The following RPS6KC1 variants were observed in gnomAD, a reference collection of about 807,000 sequenced individuals.
RPS6KC1 encodes the protein inactive ribosomal protein S6 kinase delta-1.
RPS6KC1 carries 54 observed loss-of-function variants against 103.8 expected under a neutral mutation model. The observed-to-expected ratio is 0.52, with a 90% CI of 0.42 to 0.65. RPS6KC1 has a LOEUF of 0.65. RPS6KC1 is among the 30% of genes least tolerant of loss of function. The pLI is 0.00. For synonymous variants in RPS6KC1, 439 were observed against 438.7 expected (o/e 1.00, Z -0.01); for missense variants, 1,151 against 1,253.8 (o/e 0.92, Z 1.24).
chr1:213,585,860 G>A, the RPS6KC1 span, among the ~76,000 whole-genome samples: 1 of 152,122 alleles, frequency 6.6e-6, no homozygotes, highest in East Asian at 1.9e-4. Flanking sequence ...TGGGTGCCCA[G>A]GATGATCTTC....
chr1:213,308,316 GAAAAAAA>G, the RPS6KC1 span, among the ~76,000 whole-genome samples: 6 of 55,848 alleles, frequency 1.1e-4, no homozygotes, highest in Admixed American at 2.0e-4. Context: ...CCTGTCTCCA[GAAAAAAA>G]AAAAAAAAAA....
chr1:213,722,447 C>T, the RPS6KC1 span, among the ~76,000 whole-genome samples: 3 of 152,210 alleles, frequency 2.0e-5, 1 homozygote, highest in Admixed American at 2.0e-4. Flanking sequence ...AGGCTCTGTC[C>T]CTGGCCTGCC....
At chr1:213,581,910 G>A in the RPS6KC1 span, among the ~76,000 whole-genome samples, 4 of 151,888 alleles carry the variant, frequency 2.6e-5, no homozygotes, top group South Asian at 6.2e-4. Context: ...CAGCTAAAAT[G>A]TCATTTCCTC....
At chr1:213,223,440 C>G (rs1436204209) in intron 8 of RPS6KC1, among the ~76,000 whole-genome samples, 1 of 152,202 alleles carries the variant, frequency 6.6e-6, no homozygotes, top group East Asian at 1.9e-4. Flanking sequence ...TTAGCTCCCA[C>G]TTACGAGAAC....
At chr1:213,387,359 A>G in the RPS6KC1 span, among the ~76,000 whole-genome samples, 2 of 152,218 alleles carry the variant, frequency 1.3e-5, no homozygotes, top group Admixed American at 1.3e-4. Flanking sequence ...CTGACTTCCA[A>G]TTGCCTGTGG....
intron 8 of RPS6KC1, among the ~76,000 whole-genome samples, chr1:213,215,617 G>A (rs975914155): frequency 3.3e-5 from 5 of 152,174 alleles, no homozygotes; most frequent in African/African-American, 4.8e-5. Context: ...AATGTTAAGG[G>A]CAGCCAGAGA....
At chr1:213,512,516 A>G in the RPS6KC1 span, among the ~76,000 whole-genome samples, 16 of 152,200 alleles carry the variant, frequency 1.1e-4, no homozygotes, top group Non-Finnish European at 2.2e-4. Flanking sequence ...TTATTAGCCC[A>G]TTAGCAACTG....
the RPS6KC1 span, among the ~76,000 whole-genome samples, chr1:213,547,409 A>G: frequency 5.9e-5 from 9 of 152,220 alleles, no homozygotes; most frequent in African/African-American, 1.7e-4. Context: ...CTCTTATACA[A>G]TGCTAGGGAG....
the RPS6KC1 span, among the ~76,000 whole-genome samples, chr1:213,648,395 C>T: frequency 1.3e-5 from 2 of 152,158 alleles, no homozygotes; most frequent in Admixed American, 6.5e-5. Context: ...TTTGCATCAT[C>T]TTGGTGCAAT....
rs1450486824 is a variant in RPS6KC1 at position 213,274,756 on chromosome 1, A to G, written c.*2122A>G. 1.3e-5 allele frequency: 2 copies of G among 152,126 alleles called. No homozygotes were observed. Among genetic ancestry groups the G allele is most frequent in the African/African-American group, 4.8e-5 (2 of 41,426 alleles). The allele number at this position is 152,126 out of a possible 1,614,324, so 9.4% of individuals were successfully genotyped here. A position where few individuals can be genotyped will look rare whatever the true frequency, so the allele number is the denominator to read the frequency against. ...AAGAGTGGAATATGGGGTCAAAATC[A>G]TAAAAGAAGTTGCCATGAGTGTTTC... On this transcript the variant is annotated 3_prime_UTR_variant, in exon 15 of 15. Transcript: ENST00000366960.
At chr1:213,360,407 T>A in the RPS6KC1 span, among the ~76,000 whole-genome samples, 1 of 152,262 alleles carries the variant, frequency 6.6e-6, no homozygotes, top group African/African-American at 2.4e-5. Context: ...TTCAGCTCCA[T>A]CAGGTCCTTT....
the RPS6KC1 span, among the ~76,000 whole-genome samples, chr1:213,373,542 C>T: frequency 6.6e-6 from 1 of 152,074 alleles, no homozygotes; most frequent in African/African-American, 2.4e-5. Context: ...AAAAAGAAAA[C>T]CCATCCATAA....
intron 8 of RPS6KC1, among the ~76,000 whole-genome samples, chr1:213,206,616 A>C (rs987414875): frequency 1.3e-5 from 2 of 152,178 alleles, no homozygotes; most frequent in South Asian, 4.1e-4. Context: ...TTTTCTCTTG[A>C]GCCAAATACT....
chr1:213,420,755 C>T, the RPS6KC1 span, among the ~76,000 whole-genome samples: 1 of 152,164 alleles, frequency 6.6e-6, no homozygotes, highest in Non-Finnish European at 1.5e-5. Flanking sequence ...AGACAAAGTA[C>T]TATGAACTGG....
the RPS6KC1 span, among the ~76,000 whole-genome samples, chr1:213,567,316 T>C: frequency 6.6e-6 from 1 of 152,204 alleles, no homozygotes; most frequent in African/African-American, 2.4e-5. Context: ...TCAAGGCTTC[T>C]GGCTTTATAC....
the RPS6KC1 span, among the ~76,000 whole-genome samples, chr1:213,562,401 T>A: frequency 1.1e-5 from 1 of 93,476 alleles, no homozygotes; most frequent in Non-Finnish European, 2.1e-5. Context: ...TTTTTTTTTT[T>A]TTTTTTGAGA....
the RPS6KC1 span, chr1:213,819,091 C>G: frequency 6.6e-6 from 1 of 152,172 alleles, no homozygotes; most frequent in Non-Finnish European, 1.5e-5. Flanking sequence ...TTTCACACCT[C>G]ACAACCACCT....
At chr1:213,825,701 C>A in the RPS6KC1 span, among the ~76,000 whole-genome samples, 5 of 152,142 alleles carry the variant, frequency 3.3e-5, no homozygotes, top group Non-Finnish European at 7.3e-5. Context: ...AAATCACAAC[C>A]TTTGTGGGTA....
chr1:213,152,383 C>T (rs531505113), intron 6 of RPS6KC1, among the ~76,000 whole-genome samples: 2 of 150,250 alleles, frequency 1.3e-5, no homozygotes, highest in East Asian at 2.0e-4. Flanking sequence ...GGGGGCTGAC[C>T]CCCCCACCTC....
Sources: allele counts gnomAD v4.1 joint callset (sites outside exome capture counted in the v4.1 genomes callset), GRCh38; gene constraint gnomAD v4.1.1; transcripts MANE v1.5; gene names NCBI Gene and HGNC (gene_info 2026-07-23, HGNC 2026-07-21).